The following IL1RAPL1 variants were observed in gnomAD, a reference collection of about 807,000 sequenced individuals.
IL1RAPL1 encodes the protein interleukin 1 receptor accessory protein like 1.
IL1RAPL1 carries 3 observed loss-of-function variants against 48.4 expected under a neutral mutation model. The observed-to-expected ratio is 0.06, with a 90% CI of 0.03 to 0.16. The LOEUF (loss-of-function observed/expected upper bound fraction) is 0.16, where lower values mean the gene tolerates loss of function less well. Ranked by LOEUF, IL1RAPL1 falls within the 10% of genes least tolerant of loss-of-function variation. The probability of loss-of-function intolerance (pLI) is 1.00; values close to 1 mark genes in which losing one functional copy is unlikely to be tolerated. For missense variants in IL1RAPL1, 349 were observed against 530.6 expected (o/e 0.66, Z 3.36); for synonymous variants, 185 against 187.7 (o/e 0.99, Z 0.12).
intron 6 of IL1RAPL1, among the ~76,000 whole-genome samples, chrX:29,791,199 T>C (rs186383296): frequency 1.5e-4 from 17 of 110,650 alleles, no homozygotes; most frequent in African/African-American, 5.6e-4. Flanking sequence ...CTTGTTTATT[T>C]ATTTGTTTGC....
chrX:29,632,386 T>C (rs1924806199), intron 5 of IL1RAPL1, among the ~76,000 whole-genome samples: 1 of 110,656 alleles, frequency 9.0e-6, no homozygotes, highest in South Asian at 3.9e-4. Flanking sequence ...CCTGACCCCG[T>C]GATCCGCCCA....
intron 5 of IL1RAPL1, among the ~76,000 whole-genome samples, chrX:29,420,138 G>T (rs1934273480): frequency 8.9e-6 from 1 of 111,826 alleles, no homozygotes; most frequent in Non-Finnish European, 1.9e-5. Flanking sequence ...GGGGGAATTT[G>T]GTCACTGACC....
At chrX:29,581,773 G>A (rs112548776) in intron 5 of IL1RAPL1, among the ~76,000 whole-genome samples, 90 of 110,945 alleles carry the variant, frequency 8.1e-4, no homozygotes, top group African/African-American at 2.7e-3. Flanking sequence ...AGAGATTAGG[G>A]CAGTTCTGGC....
chrX:28,995,938 T>G (rs771003080), intron 2 of IL1RAPL1, among the ~76,000 whole-genome samples: 1 of 111,015 alleles, frequency 9.0e-6, no homozygotes, highest in Non-Finnish European at 1.9e-5. Flanking sequence ...AAGACAGCTT[T>G]ATTGAGATAT....
chrX:29,845,338 G>T (rs759790549), intron 6 of IL1RAPL1, among the ~76,000 whole-genome samples: 1 of 111,708 alleles, frequency 9.0e-6, no homozygotes, highest in East Asian at 2.8e-4. Context: ...CAGAAAGCCA[G>T]GGGGAAGAGT....
chrX:28,796,621 A>T (rs1936614351), intron 2 of IL1RAPL1, among the ~76,000 whole-genome samples: 1 of 111,770 alleles, frequency 8.9e-6, no homozygotes, highest in Non-Finnish European at 1.9e-5. Flanking sequence ...CTGATGGAAG[A>T]GGTGGGTTCC....
intron 1 of IL1RAPL1, among the ~76,000 whole-genome samples, chrX:28,646,764 C>T (rs1601845692): frequency 1.8e-5 from 2 of 112,492 alleles, no homozygotes; most frequent in South Asian, 3.7e-4. Context: ...CACTAGCACT[C>T]TATGTATTCC....
chrX:28,659,138 G>A (rs1934786313), intron 1 of IL1RAPL1: 5 of 665,585 alleles, frequency 7.5e-6, no homozygotes, highest in Non-Finnish European at 1.2e-5. Flanking sequence ...GGCATGGATA[G>A]CACACAGGTT....
At chrX:28,599,523 G>A (rs1933996682) in intron 1 of IL1RAPL1, among the ~76,000 whole-genome samples, 1 of 111,578 alleles carries the variant, frequency 9.0e-6, no homozygotes, top group Non-Finnish European at 1.9e-5. Flanking sequence ...TGATTATCAT[G>A]CAGCAATTGT....
At chrX:29,545,152 T>C (rs1921575947) in intron 5 of IL1RAPL1, among the ~76,000 whole-genome samples, 1 of 109,732 alleles carries the variant, frequency 9.1e-6, no homozygotes, top group Non-Finnish European at 1.9e-5. Context: ...TGTTGTACTT[T>C]GTTACTGCAG....
chrX:29,894,267 A>G (rs1255307914), intron 6 of IL1RAPL1, among the ~76,000 whole-genome samples: 2 of 112,349 alleles, frequency 1.8e-5, no homozygotes, highest in Middle Eastern at 4.2e-3. Flanking sequence ...TTAAAAGCCT[A>G]TAATAAAGAT....
At chrX:29,421,223 G>GA (rs2147705201) in intron 5 of IL1RAPL1, among the ~76,000 whole-genome samples, 1 of 111,393 alleles carries the variant, frequency 9.0e-6, no homozygotes, top group South Asian at 3.8e-4. Flanking sequence ...AGAAGGGTGG[G>GA]AAAAATGGAA....
chrX:29,368,404 C>G (rs765645744), intron 3 of IL1RAPL1, among the ~76,000 whole-genome samples: 1 of 111,296 alleles, frequency 9.0e-6, no homozygotes, highest in African/African-American at 3.3e-5. Flanking sequence ...TGTTTTGAGA[C>G]AAGGTCTTGC....
intron 2 of IL1RAPL1, among the ~76,000 whole-genome samples, chrX:28,912,688 T>C (rs772863130): frequency 9.0e-6 from 1 of 111,251 alleles, no homozygotes. Context: ...ATATTGATGT[T>C]GGAAATGGGC....
intron 6 of IL1RAPL1, among the ~76,000 whole-genome samples, chrX:29,792,733 A>T (rs1039209042): frequency 1.1e-4 from 12 of 110,917 alleles, no homozygotes; most frequent in African/African-American, 3.9e-4. Flanking sequence ...CTCGGCTCCT[A>T]CTGTAAATTT....
At chrX:29,418,125 A>ATATTTTTT (rs1474269220) in intron 5 of IL1RAPL1, among the ~76,000 whole-genome samples, 3 of 26,714 alleles carry the variant, frequency 1.1e-4, no homozygotes, top group Non-Finnish European at 1.2e-4. Flanking sequence ...ATATATATAT[A>ATATTTTTT]TTTTTTTTTT....
At chrX:28,678,600 TAG>T (rs1044702956) in intron 1 of IL1RAPL1, among the ~76,000 whole-genome samples, 3 of 111,217 alleles carry the variant, frequency 2.7e-5, no homozygotes, top group African/African-American at 9.8e-5. Flanking sequence ...GAGAGAAAAA[TAG>T]AGAGAAGGAA....
At chrX:29,206,402 A>G (rs1383527539) in intron 2 of IL1RAPL1, among the ~76,000 whole-genome samples, 3 of 111,397 alleles carry the variant, frequency 2.7e-5, no homozygotes, top group Non-Finnish European at 5.6e-5. Flanking sequence ...TAACCTATAT[A>G]TAGTCTGGCT....
intron 2 of IL1RAPL1, among the ~76,000 whole-genome samples, chrX:29,214,321 G>A (rs1048942600): frequency 9.0e-6 from 1 of 110,961 alleles, no homozygotes; most frequent in African/African-American, 3.3e-5. Context: ...TTTGGTTAAG[G>A]GCTTATGTGT....
Sources: allele counts gnomAD v4.1 joint callset (sites outside exome capture counted in the v4.1 genomes callset), GRCh38; gene constraint gnomAD v4.1.1; transcripts MANE v1.5; gene names NCBI Gene and HGNC (gene_info 2026-07-23, HGNC 2026-07-21).